Variants in GPC5 observed in about 807,000 individuals in gnomAD.
GPC5 encodes the protein glypican-5.
Under a neutral mutation model 53.9 loss-of-function variants are expected in GPC5, and 47 were observed. The observed-to-expected ratio is 0.87, with a 90% CI of 0.69 to 1.11. The LOEUF is 1.11. Ranked by LOEUF, GPC5 falls within the 50% of genes most tolerant of loss-of-function variation. The pLI is 0.00. For synonymous variants in GPC5, 286 were observed against 263.3 expected, an observed-to-expected ratio of 1.09 and a Z score of -0.84; for missense variants, 748 against 713.1, an observed-to-expected ratio of 1.05 and a Z score of -0.56.
intron 7 of GPC5, among the ~76,000 whole-genome samples, chr13:92,427,716 T>C (rs1199828986): frequency 1.3e-5 from 2 of 152,084 alleles, no homozygotes; most frequent in Non-Finnish European, 2.9e-5. Context: ...AGATACACTT[T>C]GAAGTTGATT....
At chr13:91,705,547 C>A (rs2036079838) in intron 3 of GPC5, among the ~76,000 whole-genome samples, 1 of 152,142 alleles carries the variant, frequency 6.6e-6, no homozygotes, top group Admixed American at 6.5e-5. Flanking sequence ...GATCCAAACT[C>A]ATTTCATCAG....
chr13:92,703,110 G>T (rs915131437), intron 7 of GPC5, among the ~76,000 whole-genome samples: 1 of 149,426 alleles, frequency 6.7e-6, no homozygotes, highest in Non-Finnish European at 1.5e-5. Flanking sequence ...TACCACCTTC[G>T]AATGCACTAT....
At chr13:92,764,660 T>C (rs1226755392) in intron 7 of GPC5, among the ~76,000 whole-genome samples, 2 of 152,194 alleles carry the variant, frequency 1.3e-5, no homozygotes, top group Admixed American at 6.5e-5. Flanking sequence ...TTCTGTTCTC[T>C]AGGTGGCCTT....
chr13:92,389,280 A>T (rs1308142299), intron 7 of GPC5, among the ~76,000 whole-genome samples: 2 of 152,158 alleles, frequency 1.3e-5, no homozygotes, highest in African/African-American at 4.8e-5. Context: ...AGATAAAGTG[A>T]TATACATAAG....
At chr13:91,835,847 A>C (rs1174406293) in intron 5 of GPC5, among the ~76,000 whole-genome samples, 1 of 152,124 alleles carries the variant, frequency 6.6e-6, no homozygotes, top group Non-Finnish European at 1.5e-5. Flanking sequence ...ACAAAACTGC[A>C]CGTTTTGCAC....
intron 7 of GPC5, among the ~76,000 whole-genome samples, chr13:92,627,327 C>G (rs1248480150): frequency 6.6e-6 from 1 of 152,170 alleles, no homozygotes; most frequent in Admixed American, 6.5e-5. Flanking sequence ...GGCATAATTA[C>G]TCAGCGTGGC....
At chr13:91,929,771 G>A (rs908797207) in intron 6 of GPC5, among the ~76,000 whole-genome samples, 1 of 151,408 alleles carries the variant, frequency 6.6e-6, no homozygotes, top group Non-Finnish European at 1.5e-5. Flanking sequence ...AATTGCATTG[G>A]TATATTATCA....
chr13:92,389,187 T>C lies in GPC5; in HGVS notation c.1561+244198T>C, dbSNP rs555782514. On this transcript the variant is annotated intron_variant, in intron 7 of 7. Coordinates refer to ENST00000377067, the MANE Select transcript of GPC5 (RefSeq NM_004466.6). ...CCACATTTATACTGTACAAAAGTCT[T>C]AGTTTTATTTATAGCGGAGGAAACA... 2.6e-5 allele frequency among the ~76,000 whole-genome samples: 4 copies of C among 152,278 alleles called. No individual in the cohort carries two copies. The East Asian group carries it at 7.7e-4, about 29-fold the overall frequency.
chr13:92,301,067 A>G (rs2043071971), intron 7 of GPC5, among the ~76,000 whole-genome samples: 1 of 152,232 alleles, frequency 6.6e-6, no homozygotes, highest in Admixed American at 6.5e-5. Context: ...AGTATGTAAA[A>G]AAGGAGAAAG....
At chr13:92,249,018 AATTTT>A (rs973364475) in intron 7 of GPC5, among the ~76,000 whole-genome samples, 3 of 152,048 alleles carry the variant, frequency 2.0e-5, no homozygotes, top group African/African-American at 7.2e-5. Flanking sequence ...TTTAAAAAAT[AATTTT>A]ATTTTTTAAA....
intron 7 of GPC5, among the ~76,000 whole-genome samples, chr13:92,449,577 A>G (rs1340082616): frequency 1.3e-5 from 2 of 152,212 alleles, no homozygotes; most frequent in African/African-American, 4.8e-5. Flanking sequence ...TTAGACAAGT[A>G]TTATGTAATG....
intron 7 of GPC5, among the ~76,000 whole-genome samples, chr13:92,210,197 C>T (rs1221957073): frequency 1.3e-5 from 2 of 152,094 alleles, no homozygotes; most frequent in African/African-American, 4.8e-5. Context: ...CAATATTAAC[C>T]ATCACAGATA....
intron 7 of GPC5, among the ~76,000 whole-genome samples, chr13:92,295,836 A>C (rs2139190164): frequency 6.6e-6 from 1 of 152,046 alleles, no homozygotes; most frequent in Non-Finnish European, 1.5e-5. Flanking sequence ...CTTTACCTTA[A>C]GTTTGTGTGA....
At chr13:91,952,492 C>G (rs113799792) in intron 6 of GPC5, among the ~76,000 whole-genome samples, 3,232 of 152,100 alleles carry the variant, frequency 0.021, 103 homozygotes, top group African/African-American at 0.074. Flanking sequence ...TCCATATTGG[C>G]AGATAAATAC....
intron 2 of GPC5, among the ~76,000 whole-genome samples, chr13:91,638,241 G>T (rs16946326): frequency 6.6e-6 from 1 of 152,058 alleles, no homozygotes; most frequent in Admixed American, 6.6e-5. Context: ...TCACATATAC[G>T]TATAAATTAT....
chr13:92,026,077 C>A (rs2138798471), intron 6 of GPC5, among the ~76,000 whole-genome samples: 1 of 152,174 alleles, frequency 6.6e-6, no homozygotes, highest in Non-Finnish European at 1.5e-5. Flanking sequence ...AAAATGATTG[C>A]TTTTAAGTAA....
At chr13:92,424,261 T>G (rs1380174841) in intron 7 of GPC5, among the ~76,000 whole-genome samples, 1 of 152,064 alleles carries the variant, frequency 6.6e-6, no homozygotes, top group African/African-American at 2.4e-5. Context: ...AACCAATTAT[T>G]TATTCTTCTT....
chr13:92,432,357 GTTTT>G (rs57952325), intron 7 of GPC5, among the ~76,000 whole-genome samples: 1 of 111,400 alleles, frequency 9.0e-6, no homozygotes, highest in Non-Finnish European at 1.8e-5. Flanking sequence ...TTGGTGGTGG[GTTTT>G]TTTTTTTTTT....
rs942764347 is a variant in GPC5 at position 92,233,706 on chromosome 13, G to A, written c.1561+88717G>A. Among the ~76,000 whole-genome samples the A allele has an allele frequency of 2.4e-4, 37 of 151,874 alleles. 2 individuals carry two copies. The highest frequency in any genetic ancestry group is 2.0e-3 in the Admixed American group (31 of 15,244). ...AAGTTTTAGGGTACATGTGCACAAC[G>A]TGCAGATGAGTTACATATGTATACA... is the stretch of plus-strand genomic sequence containing the variant. On this transcript the variant is annotated intron_variant, in intron 7 of 7. Coordinates refer to ENST00000377067, the MANE Select transcript of GPC5 (RefSeq NM_004466.6).
Sources: allele counts gnomAD v4.1 joint callset (sites outside exome capture counted in the v4.1 genomes callset), GRCh38; gene constraint gnomAD v4.1.1; transcripts MANE v1.5; gene names NCBI Gene and HGNC (gene_info 2026-07-23, HGNC 2026-07-21).